TCERG1L: variants seen among roughly 807,000 people sequenced by gnomAD.
The protein encoded by TCERG1L is transcription elongation regulator 1 like.
Under a neutral mutation model 56.3 loss-of-function variants are expected in TCERG1L, and 37 were observed. That is an observed-to-expected ratio of 0.66 (90% CI 0.51 to 0.87). The LOEUF is 0.87. TCERG1L is among the 40% of genes least tolerant of loss of function. The pLI, the probability that TCERG1L is intolerant of heterozygous loss-of-function variation, is 0.00. For synonymous variants in TCERG1L, 324 were observed against 326.3 expected (o/e 0.99, Z 0.08); for missense variants, 799 against 774.2 (o/e 1.03, Z -0.38).
intron 4 of TCERG1L, among the ~76,000 whole-genome samples, chr10:131,203,689 G>A (rs1401135632): frequency 1.3e-5 from 2 of 152,194 alleles, no homozygotes; most frequent in African/African-American, 2.4e-5. Context: ...GAATCCAGAG[G>A]CCAGTAGGGG....
intron 4 of TCERG1L, among the ~76,000 whole-genome samples, chr10:131,217,633 G>A (rs1157712598): frequency 6.6e-6 from 1 of 151,448 alleles, no homozygotes; most frequent in Non-Finnish European, 1.5e-5. Context: ...GCCAGGCAAG[G>A]CCCAGGGAAC....
At chr10:131,171,655 A>G (rs1045294228) in intron 4 of TCERG1L, among the ~76,000 whole-genome samples, 1 of 152,114 alleles carries the variant, frequency 6.6e-6, no homozygotes, top group Non-Finnish European at 1.5e-5. Flanking sequence ...CCTTCAAGTG[A>G]TTCTCCTGTC....
At chr10:131,121,929 G>A (rs1845518606) in intron 8 of TCERG1L, among the ~76,000 whole-genome samples, 1 of 152,236 alleles carries the variant, frequency 6.6e-6, no homozygotes, top group African/African-American at 2.4e-5. Flanking sequence ...ACCATCAGGG[G>A]TCCCCGCTGA....
intron 6 of TCERG1L, chr10:131,156,338 T>C (rs1254696578): frequency 6.6e-6 from 1 of 151,932 alleles, no homozygotes; most frequent in African/African-American, 2.4e-5. Flanking sequence ...TCACGCCCAA[T>C]AAATAATTAT....
chr10:131,179,450 C>T (rs1845146001), intron 4 of TCERG1L, among the ~76,000 whole-genome samples: 1 of 152,214 alleles, frequency 6.6e-6, no homozygotes, highest in Non-Finnish European at 1.5e-5. Context: ...CCACGTGAGG[C>T]TGGTCTGCAG....
intron 8 of TCERG1L, among the ~76,000 whole-genome samples, chr10:131,120,006 C>T (rs952096719): frequency 6.6e-5 from 10 of 151,954 alleles, no homozygotes; most frequent in Non-Finnish European, 1.3e-4. Context: ...TAGCCCTGGG[C>T]GGGGGTCCCT....
At chr10:131,127,956 G>A (rs1477657152) in intron 8 of TCERG1L, among the ~76,000 whole-genome samples, 1 of 152,112 alleles carries the variant, frequency 6.6e-6, no homozygotes, top group East Asian at 1.9e-4. Context: ...GAACCACAGG[G>A]AAGCATACCC....
intron 4 of TCERG1L, among the ~76,000 whole-genome samples, chr10:131,219,058 T>C (rs1845703108): frequency 6.6e-6 from 1 of 152,174 alleles, no homozygotes. Flanking sequence ...TGGTCATGGC[T>C]GGCATGGCTC....
chr10:131,110,236 G>A (rs923165980), intron 9 of TCERG1L, among the ~76,000 whole-genome samples: 10 of 152,162 alleles, frequency 6.6e-5, no homozygotes, highest in Non-Finnish European at 1.2e-4. Context: ...GACCACGCGG[G>A]CAAAGCATTT....
At chr10:131,194,889 G>C (rs535536291) in intron 4 of TCERG1L, among the ~76,000 whole-genome samples, 1 of 152,178 alleles carries the variant, frequency 6.6e-6, no homozygotes, top group African/African-American at 2.4e-5. Context: ...GTTTTTGCCT[G>C]TATATACACA....
chr10:131,303,680 T>C (rs1846791788), intron 3 of TCERG1L, among the ~76,000 whole-genome samples: 1 of 152,102 alleles, frequency 6.6e-6, no homozygotes, highest in Non-Finnish European at 1.5e-5. Context: ...TACAGTCACA[T>C]CTATTTATGC....
chr10:131,299,515 A>G (rs1373136181), intron 3 of TCERG1L, among the ~76,000 whole-genome samples: 3 of 152,052 alleles, frequency 2.0e-5, no homozygotes, highest in African/African-American at 7.2e-5. Flanking sequence ...TCGAAGATAT[A>G]TCTTTCGAAG....
Position 131,311,405 on chromosome 10 carries a change from G to T in TCERG1L, c.231C>A (p.Leu77=). ...GCTCGCTCGGGGCCGGCCAGCCGGGGAGACCGGGGAGCAGCGGGGCCGCGG... is the reference window on the plus strand; with the variant it reads ...GCTCGCTCGGGGCCGGCCAGCCGGGTAGACCGGGGAGCAGCGGGGCCGCGG... The part of the protein sequence containing the change: ...PPPAAPLLPG[L]PGWPAPSEPV... The change falls in exon 1 of 12, where the codon CTC becomes CTA. Residue 77 remains leucine, a synonymous_variant. Coordinates refer to ENST00000368642, the MANE Select transcript of TCERG1L (RefSeq NM_174937.4). The surrounding 1 kb of genome is among the most constrained non-coding windows in gnomAD (Gnocchi z 4.0). 1 of 1,183,538 alleles carries T rather than the reference G, an allele frequency of 8.4e-7. No individual in the cohort carries two copies. The allele number at this position is 1,183,538 out of a possible 1,614,324, so 73.3% of individuals were successfully genotyped here. A position where few individuals can be genotyped will look rare whatever the true frequency, so the allele number is the denominator to read the frequency against.
chr10:131,215,541 C>T (rs1845661706), intron 4 of TCERG1L, among the ~76,000 whole-genome samples: 1 of 152,186 alleles, frequency 6.6e-6, no homozygotes, highest in South Asian at 2.1e-4. Context: ...ACCTGATCTG[C>T]ACCCGGCTGG....
chr10:131,177,821 T>C (rs11017795), intron 4 of TCERG1L, among the ~76,000 whole-genome samples: 3,693 of 150,522 alleles, frequency 0.025, 68 homozygotes, highest in Non-Finnish European at 0.034. Flanking sequence ...GCCCCCCATG[T>C]CTCCCCTGAC....
At chr10:131,252,056 A>C (rs186066578) in intron 4 of TCERG1L, among the ~76,000 whole-genome samples, 2 of 152,300 alleles carry the variant, frequency 1.3e-5, no homozygotes, top group African/African-American at 4.8e-5. Flanking sequence ...CGTGTCCTCA[A>C]GGTTCTTCCA....
chr10:131,289,534 G>GAT, intron 3 of TCERG1L, among the ~76,000 whole-genome samples: 1 of 14,986 alleles, frequency 6.7e-5, no homozygotes, highest in Non-Finnish European at 2.0e-4. Flanking sequence ...ATCTCCTATC[G>GAT]GTGTGTATGT....
intron 4 of TCERG1L, among the ~76,000 whole-genome samples, chr10:131,182,341 G>A (rs775845434): frequency 6.6e-6 from 1 of 152,258 alleles, no homozygotes; most frequent in Non-Finnish European, 1.5e-5. Flanking sequence ...TCAGGGCAGG[G>A]CCGGGGTCTT....
At chr10:131,131,861 G>A (rs1482058071) in intron 8 of TCERG1L, among the ~76,000 whole-genome samples, 3 of 152,170 alleles carry the variant, frequency 2.0e-5, no homozygotes, top group African/African-American at 7.2e-5. Context: ...CACAAAAAGC[G>A]CAGGTCCAAA....
Sources: gnomAD v4.1 joint callset for allele counts (sites outside exome capture counted in the v4.1 genomes callset) on GRCh38, gnomAD v4.1.1 for gene constraint, Gnocchi (gnomAD v3.1) non-coding constraint, MANE v1.5 for transcripts, NCBI Gene and HGNC (gene_info 2026-07-23, HGNC 2026-07-21) for gene names.